The following PRIM2 variants were observed in gnomAD, a reference collection of about 807,000 sequenced individuals.
PRIM2 encodes DNA primase subunit 2.
PRIM2 carries 39 observed loss-of-function variants against 67.3 expected under a neutral mutation model. That is an observed-to-expected ratio of 0.58 (90% CI 0.45 to 0.76). PRIM2 has a LOEUF of 0.76. Among genes scored for constraint, PRIM2 ranks in the 30% least tolerant of loss-of-function variants. The pLI is 0.00. For missense variants in PRIM2, 398 were observed against 598.7 expected (o/e 0.66, Z 3.50); for synonymous variants, 143 against 198.7 (o/e 0.72, Z 2.36).
chr6:57,598,043 A>G (rs1776398657), intron 10 of PRIM2, among the ~76,000 whole-genome samples: 1 of 152,220 alleles, frequency 6.6e-6, no homozygotes, highest in Admixed American at 6.5e-5. Flanking sequence ...AGCTCTTTAT[A>G]GCCATTTCAC....
chr6:57,258,974 A>G, the PRIM2 span, among the ~76,000 whole-genome samples: 1 of 152,232 alleles, frequency 6.6e-6, no homozygotes, highest in Non-Finnish European at 1.5e-5. Context: ...ACCTAGAAAT[A>G]AAATATACAA....
In PRIM2 at chr6:57,615,273, G is replaced by A. The variant is rs1441534517; in HGVS notation, c.1230+8816G>A. Among the ~76,000 whole-genome samples, 839 of 152,026 alleles carry A rather than the reference G, an allele frequency of 5.5e-3. 7 individuals carry two copies. Among genetic ancestry groups the A allele is most frequent in the Middle Eastern group, 0.01 (3 of 294 alleles). On this transcript the variant is annotated intron_variant, in intron 12 of 13. Coordinates refer to ENST00000615550, the MANE Select transcript of PRIM2 (RefSeq NM_000947.5). ...TCTCTACAAAAAAATACAAAAATTA[G>A]CCAGGCGTCGAGGCATGCACCTGTA... is the stretch of plus-strand genomic sequence containing the variant.
intron 7 of PRIM2, among the ~76,000 whole-genome samples, chr6:57,410,538 TAG>T (rs1771054151): frequency 1.3e-5 from 2 of 152,076 alleles, no homozygotes. Flanking sequence ...TGAAATTAGG[TAG>T]AGTCAGTGTT....
intron 12 of PRIM2, among the ~76,000 whole-genome samples, chr6:57,629,051 A>T (rs1387689016): frequency 4.6e-5 from 7 of 152,290 alleles, no homozygotes; most frequent in African/African-American, 1.7e-4. Flanking sequence ...CCTTGGAGTC[A>T]TCCAACCCCC....
chr6:57,299,960 C>T, the PRIM2 span, among the ~76,000 whole-genome samples: 1 of 152,138 alleles, frequency 6.6e-6, no homozygotes, highest in East Asian at 1.9e-4. Flanking sequence ...TTGGCAAATC[C>T]ACAGAAGGAT....
rs1303231623 is a variant in PRIM2 at position 57,477,628 on chromosome 6, A to G, written c.694-29759A>G. 3.1e-4 allele frequency among the ~76,000 whole-genome samples: 47 copies of G among 152,270 alleles called. No individual in the cohort carries two copies. In the East Asian group the frequency reaches 8.9e-3, roughly 29 times the overall value. On this transcript the variant is annotated intron_variant, in intron 7 of 13. Coordinates refer to ENST00000615550, the MANE Select transcript of PRIM2 (RefSeq NM_000947.5). ...ACATATGTCTTAGCTAAATACTACT[A>G]TTGTTAACAACACTACTCGTAATAG... is the stretch of plus-strand genomic sequence containing the variant.
the PRIM2 span, among the ~76,000 whole-genome samples, chr6:57,232,284 G>A: frequency 2.6e-5 from 4 of 152,186 alleles, no homozygotes; most frequent in Admixed American, 6.5e-5. Context: ...TGGGCGTGGT[G>A]GCTCACGCCT....
chr6:57,338,447 C>T (rs1178738898), intron 5 of PRIM2, among the ~76,000 whole-genome samples: 1 of 151,066 alleles, frequency 6.6e-6, no homozygotes. Context: ...AACATTGATG[C>T]AAAAATCCTC....
At chr6:57,628,503 AT>A (rs1455820164) in intron 12 of PRIM2, among the ~76,000 whole-genome samples, 1 of 152,072 alleles carries the variant, frequency 6.6e-6, no homozygotes, top group East Asian at 1.9e-4. Flanking sequence ...AAAAATTTTT[AT>A]TTTAGATTCA....
intron 7 of PRIM2, among the ~76,000 whole-genome samples, chr6:57,389,834 G>T (rs1290120917): frequency 4.0e-5 from 6 of 151,898 alleles, no homozygotes; most frequent in Non-Finnish European, 8.8e-5. Context: ...TTTCTTGAAT[G>T]GTTACTTAGT....
intron 10 of PRIM2, among the ~76,000 whole-genome samples, chr6:57,575,360 C>T (rs1775944273): frequency 6.6e-6 from 1 of 152,196 alleles, no homozygotes; most frequent in Admixed American, 6.5e-5. Flanking sequence ...GGCTGGTAGA[C>T]TGCTGAACAC....
At chr6:57,503,914 C>A in intron 7 of PRIM2, among the ~76,000 whole-genome samples, 1 of 152,226 alleles carries the variant, frequency 6.6e-6, no homozygotes, top group South Asian at 2.1e-4. Flanking sequence ...TGAGCCAAAT[C>A]CCAAATGATG....
upstream of PRIM2, among the ~76,000 whole-genome samples, chr6:57,317,102 C>G (rs555003847): frequency 6.6e-6 from 1 of 152,280 alleles, no homozygotes; most frequent in African/African-American, 2.4e-5. Flanking sequence ...AACTTGTTTT[C>G]TCATCTGCCA....
chr6:57,267,899 G>A, the PRIM2 span, among the ~76,000 whole-genome samples: 28 of 151,910 alleles, frequency 1.8e-4, no homozygotes, highest in African/African-American at 6.8e-4. Flanking sequence ...TTGCAGAGAA[G>A]ATCGTGGATT....
chr6:57,541,286 A>C (rs1261768360), intron 10 of PRIM2, among the ~76,000 whole-genome samples: 1 of 152,156 alleles, frequency 6.6e-6, no homozygotes, highest in African/African-American at 2.4e-5. Flanking sequence ...ACGGGGTTTC[A>C]CCATTTTGGC....
At chr6:57,406,301 G>C (rs1292871288) in intron 7 of PRIM2, among the ~76,000 whole-genome samples, 1 of 152,118 alleles carries the variant, frequency 6.6e-6, no homozygotes. Context: ...CATTCAGACA[G>C]ATGAGTACCG....
intron 10 of PRIM2, among the ~76,000 whole-genome samples, chr6:57,554,955 T>G (rs1775482821): frequency 6.6e-6 from 1 of 152,210 alleles, no homozygotes; most frequent in Non-Finnish European, 1.5e-5. Flanking sequence ...AGACTGTGAG[T>G]GCCACAGTGA....
At chr6:57,332,094 G>T (rs1424762477) in intron 5 of PRIM2, among the ~76,000 whole-genome samples, 1 of 151,822 alleles carries the variant, frequency 6.6e-6, no homozygotes, top group Non-Finnish European at 1.5e-5. Context: ...TTTGTATGCT[G>T]TGTTTTCTTT....
intron 5 of PRIM2, among the ~76,000 whole-genome samples, chr6:57,335,558 A>T (rs1768208233): frequency 6.6e-6 from 1 of 152,034 alleles, no homozygotes; most frequent in African/African-American, 2.4e-5. Flanking sequence ...CTGACCCCTG[A>T]CCCCCGAGCA....
Sources: gnomAD v4.1 joint callset for allele counts (sites outside exome capture counted in the v4.1 genomes callset) on GRCh38, gnomAD v4.1.1 for gene constraint, MANE v1.5 for transcripts, NCBI Gene and HGNC (gene_info 2026-07-23, HGNC 2026-07-21) for gene names.